Variants in AMMECR1 observed in about 807,000 individuals in gnomAD.
AMMECR1 encodes the protein nuclear protein AMMECR1.
In AMMECR1, 3 loss-of-function variants were observed where a neutral mutation model predicts 22.5. That is an observed-to-expected ratio of 0.13 (90% CI 0.06 to 0.35). The LOEUF is 0.35. Among genes scored for constraint, AMMECR1 ranks in the 10% least tolerant of loss-of-function variants. The pLI, the probability that AMMECR1 is intolerant of heterozygous loss-of-function variation, is 1.00. For missense variants in AMMECR1, 235 were observed against 278.7 expected (o/e 0.84, Z 1.12); for synonymous variants, 130 against 116.7 (o/e 1.11, Z -0.74).
chrX:110,351,956 G>A (rs1409299408), intron 2 of AMMECR1, among the ~76,000 whole-genome samples: 1 of 112,033 alleles, frequency 8.9e-6, no homozygotes, highest in Admixed American at 9.5e-5. Context: ...ATACACAAAT[G>A]GCCAATTAGC....
Position 110,244,073 on chromosome X carries a change from C to G in AMMECR1, c.584+20416G>C, listed in dbSNP as rs2067646481. On this transcript the variant is annotated intron_variant, in intron 2 of 5. Coordinates refer to ENST00000262844, the MANE Select transcript of AMMECR1 (RefSeq NM_015365.3). ...TCTTATCATCCTCCCCCTGCCCCAT[C>G]ATCTAAGAAGGAACCTTTGAAGCCA... Among the ~76,000 whole-genome samples the G allele has an allele frequency of 3.6e-5, 4 of 111,682 alleles. No individual in the cohort carries two copies. The Admixed American group carries it at 3.8e-4, about 11-fold the overall frequency.
At chrX:110,337,610 C>T (rs2068146145) in intron 2 of AMMECR1, among the ~76,000 whole-genome samples, 2 of 111,398 alleles carry the variant, frequency 1.8e-5, no homozygotes, top group African/African-American at 6.5e-5. Context: ...CTCTTGTATA[C>T]AGTTGGTGGG....
intron 1 of AMMECR1, among the ~76,000 whole-genome samples, chrX:110,269,676 T>C (rs749675980): frequency 9.0e-6 from 1 of 111,530 alleles, no homozygotes; most frequent in Non-Finnish European, 1.9e-5. Context: ...CAGCTAAAAA[T>C]ACCATAATTC....
At chrX:110,405,225 T>C (rs1348410566) in intron 2 of AMMECR1, among the ~76,000 whole-genome samples, 2 of 110,764 alleles carry the variant, frequency 1.8e-5, no homozygotes, top group Non-Finnish European at 3.8e-5. Flanking sequence ...TATCCTTTCT[T>C]GTGTTGTTAT....
At chrX:110,336,572 A>G (rs1307936404) in intron 2 of AMMECR1, among the ~76,000 whole-genome samples, 1 of 110,260 alleles carries the variant, frequency 9.1e-6, no homozygotes, top group Non-Finnish European at 1.9e-5. Context: ...AAAATTAGCC[A>G]GGTGTGGTCG....
intron 2 of AMMECR1, among the ~76,000 whole-genome samples, chrX:110,324,856 A>G (rs1283493817): frequency 1.8e-5 from 2 of 110,938 alleles, no homozygotes; most frequent in Non-Finnish European, 3.8e-5. Flanking sequence ...TCATCATGGT[A>G]TATAATTATT....
chrX:110,300,041 A>G (rs1201948490), intron 1 of AMMECR1, among the ~76,000 whole-genome samples: 1 of 112,412 alleles, frequency 8.9e-6, no homozygotes, highest in Non-Finnish European at 1.9e-5. Flanking sequence ...ATATATACCC[A>G]GAAGTGAGAT....
At chrX:110,427,853 G>A (rs1019458018) in intron 1 of AMMECR1, among the ~76,000 whole-genome samples, 2 of 111,779 alleles carry the variant, frequency 1.8e-5, no homozygotes, top group African/African-American at 6.5e-5. Flanking sequence ...TTACCTCTGT[G>A]CATTTGCACA....
At chrX:110,358,518 C>T (rs2068242406) in intron 2 of AMMECR1, among the ~76,000 whole-genome samples, 1 of 111,110 alleles carries the variant, frequency 9.0e-6, no homozygotes, top group Admixed American at 9.6e-5. Flanking sequence ...ATTTTGAAGA[C>T]AAGCAAGCTG....
At chrX:110,215,537 T>C (rs1299776838) in intron 3 of AMMECR1, among the ~76,000 whole-genome samples, 2 of 111,927 alleles carry the variant, frequency 1.8e-5, no homozygotes, top group Non-Finnish European at 1.9e-5. Context: ...GGATGGTCCT[T>C]CTAAAACAGC....
At chrX:110,438,724 C>T (rs1481234030) in intron 1 of AMMECR1, among the ~76,000 whole-genome samples, 1 of 110,745 alleles carries the variant, frequency 9.0e-6, no homozygotes, top group Non-Finnish European at 1.9e-5. Context: ...CTTCTCAAAT[C>T]CTCTTCAGAA....
Position 110,317,913 on chromosome X carries a change from G to A in AMMECR1, c.159C>T (p.Leu53=). The change falls in exon 1 of 6, where the codon CTC becomes CTT. Residue 53 remains leucine, a synonymous_variant. Coordinates refer to ENST00000262844, the MANE Select transcript of AMMECR1 (RefSeq NM_015365.3). ...CTCCGGTTAGACCTCCCAGCCCGTT[G>A]AGCCGCGTACCGGCGCCTCCTAGTC... ...ELGLGGAGTR[L]NGLGGLTGGG... is the part of the protein sequence containing the mutation. The A allele has an allele frequency of 1.7e-6, 2 of 1,197,114 alleles. No homozygotes were observed. The highest frequency in any genetic ancestry group is 1.8e-5 in the South Asian group (1 of 54,644).
chrX:110,309,068 C>A (rs757269513), intron 1 of AMMECR1: 2 of 112,056 alleles, frequency 1.8e-5, no homozygotes, highest in African/African-American at 6.5e-5. Flanking sequence ...TTTATTTGCA[C>A]CCCAAACCAC....
chrX:110,233,976 T>C (rs1178654020), intron 2 of AMMECR1, among the ~76,000 whole-genome samples: 3 of 111,987 alleles, frequency 2.7e-5, no homozygotes, highest in Non-Finnish European at 3.8e-5. Flanking sequence ...AAGTTCTGGC[T>C]AGGGCAATCA....
chrX:110,420,271 T>G (rs1569426169), intron 2 of AMMECR1, among the ~76,000 whole-genome samples: 1 of 112,188 alleles, frequency 8.9e-6, no homozygotes, highest in Admixed American at 9.4e-5. Context: ...CATTTTTGCT[T>G]CCCCTGTGCC....
intron 2 of AMMECR1, among the ~76,000 whole-genome samples, chrX:110,409,443 C>T (rs975846920): frequency 9.9e-5 from 11 of 111,532 alleles, no homozygotes; most frequent in Non-Finnish European, 2.1e-4. Context: ...GACCTCACTA[C>T]CTAAAAAGAG....
chrX:110,318,407 A>G (rs1297539540), upstream of AMMECR1, among the ~76,000 whole-genome samples: 1 of 111,088 alleles, frequency 9.0e-6, no homozygotes, highest in Non-Finnish European at 1.9e-5. Flanking sequence ...AAGGTGAAGG[A>G]AACAAGAGTC....
At chrX:110,432,496 G>A (rs773457101) in intron 1 of AMMECR1, among the ~76,000 whole-genome samples, 1 of 112,272 alleles carries the variant, frequency 8.9e-6, no homozygotes, top group South Asian at 3.8e-4. Context: ...CCCAGCTGCT[G>A]TTGTGAGGCA....
intron 2 of AMMECR1, among the ~76,000 whole-genome samples, chrX:110,422,531 A>G (rs1209283617): frequency 8.8e-6 from 1 of 113,001 alleles, no homozygotes; most frequent in Non-Finnish European, 1.9e-5. Flanking sequence ...TTTCACACCC[A>G]TGACTGCAAT....
Sources: gnomAD v4.1 joint callset for allele counts (sites outside exome capture counted in the v4.1 genomes callset) on GRCh38, gnomAD v4.1.1 for gene constraint, MANE v1.5 for transcripts, NCBI Gene and HGNC (gene_info 2026-07-23, HGNC 2026-07-21) for gene names.